RMC1: variants seen among roughly 807,000 people sequenced by gnomAD.
RMC1 encodes the protein regulator of MON1-CCZ1, also known as regulator of MON1-CCZ1 complex.
A neutral mutation model predicts 95.5 loss-of-function variants in RMC1; 44 were observed. That is an observed-to-expected ratio of 0.46 (90% CI 0.36 to 0.59). The LOEUF is 0.59. Ranked by LOEUF, RMC1 falls within the 20% of genes least tolerant of loss-of-function variation. The pLI is 0.00. For synonymous variants in RMC1, 320 were observed against 303.6 expected (o/e 1.05, Z -0.56); for missense variants, 705 against 819.6 (o/e 0.86, Z 1.71).
chr18:23,525,723 T>C (rs1261473387), intron 12 of RMC1, among the ~76,000 whole-genome samples: 1 of 152,046 alleles, frequency 6.6e-6, no homozygotes, highest in Non-Finnish European at 1.5e-5. Context: ...ACAGCCGGCC[T>C]ATAATTTTTT....
Position 23,524,457 on chromosome 18 carries a change from T to G in RMC1, c.1035T>G (p.Pro345=), listed in dbSNP as rs1446548223. The G allele has an allele frequency of 2.5e-6, 4 of 1,614,012 alleles. No homozygotes were observed. The highest frequency in any genetic ancestry group is 1.7e-6 in the Non-Finnish European group (2 of 1,179,984). ...CTTCATCTTGGATTGTCTTTCAACC[T>G]GACATCATTATCAGCGCAAGCCAAG... ...LYSSSWIVFQ[P]DIIISASQGY... The change falls in exon 12 of 20, where the codon CCT becomes CCG. Residue 345 remains proline (P), a synonymous_variant. Coordinates refer to ENST00000269221, the MANE Select transcript of RMC1 (RefSeq NM_013326.5).
intron 5 of RMC1, among the ~76,000 whole-genome samples, chr18:23,513,416 C>T (rs764797183): frequency 7.9e-5 from 12 of 152,220 alleles, no homozygotes; most frequent in Non-Finnish European, 1.5e-4. Context: ...TGAGCGTATA[C>T]ACCACATTTT....
intron 5 of RMC1, 33 bp downstream of exon 5, chr18:23,509,312 A>C (rs778081925): frequency 2.7e-6 from 3 of 1,112,078 alleles, no homozygotes; most frequent in Admixed American, 5.6e-5. Context: ...TTGTTGGTTA[A>C]AGTTCAGTGA....
chr18:23,524,031 CGTAATGACATTAAAAA>C lies in RMC1; in HGVS notation c.962-95_962-80del, dbSNP rs1306225828. ...CTTGACTACAATTGAATAAACATTTCGTAATGACATTAAAAAGTATTGACTTTTGTGTCATAAGTAC... is the reference window on the plus strand; with the variant it reads ...CTTGACTACAATTGAATAAACATTTCGTATTGACTTTTGTGTCATAAGTAC... On this transcript the variant is annotated intron_variant, in intron 10 of 19. Transcript: ENST00000269221. 3 of 1,279,760 alleles carry C rather than the reference CGTAATGACATTAAAAA, an allele frequency of 2.3e-6. No individual in the cohort carries two copies. The African/African-American group carries it at 4.4e-5, about 19-fold the overall frequency. The allele number at this position is 1,279,760 out of a possible 1,614,324, so 79.3% of individuals were successfully genotyped here.
Position 23,516,414 on chromosome 18 carries a change from T to C in RMC1, c.644T>C (p.Met215Thr). ...AGCCTTTCCGAAAGAGACATCGCAATGGCTACCATGTATGTCCGTGTCAGA... is the reference window on the plus strand; with the variant it reads ...AGCCTTTCCGAAAGAGACATCGCAACGGCTACCATGTATGTCCGTGTCAGA... ...KPSLSERDIA[M>T]ATIYGQLYVL... Residue 215 changes from methionine (M) to threonine (T), a missense_variant, in exon 7 of 20, where the codon ATG becomes ACG. Physicochemically the swap from Met to Thr is moderately conservative, Grantham distance 81 (BLOSUM62 -1). Coordinates refer to ENST00000269221, the MANE Select transcript of RMC1 (RefSeq NM_013326.5). 1 of 1,614,040 alleles carries C rather than the reference T, an allele frequency of 6.2e-7. No individual in the cohort carries two copies. Among genetic ancestry groups the C allele is most frequent in the Non-Finnish European group, 8.5e-7 (1 of 1,179,862 alleles).
chr18:23,505,311 C>T (rs996146092), intron 2 of RMC1, among the ~76,000 whole-genome samples: 1 of 152,196 alleles, frequency 6.6e-6, no homozygotes, highest in East Asian at 1.9e-4. Context: ...ATCCGCCCGC[C>T]TCAGACTCCC....
rs371988848 is a variant in RMC1 at position 23,521,695 on chromosome 18, C to CTTT, written c.961+1392_961+1394dup. On this transcript the variant is annotated intron_variant, in intron 10 of 19. Coordinates refer to ENST00000269221, the MANE Select transcript of RMC1 (RefSeq NM_013326.5). ...AGAATATTCAACACACACTCTCTCT[C>CTTT]TTTTTTTTTTTTCCTTAAACAGAAC... Among the ~76,000 whole-genome samples, 58 of 77,948 alleles carry CTTT rather than the reference C, an allele frequency of 7.4e-4. 1 individual carries two copies. In the South Asian group the frequency reaches 0.022, roughly 29 times the overall value. The allele number at this position is 77,948 out of a possible 152,430, so 51.1% of individuals were successfully genotyped here. A position where few individuals can be genotyped will look rare whatever the true frequency, so the allele number is the denominator to read the frequency against.
At chr18:23,516,742 T>C (rs2058017692) in intron 7 of RMC1, among the ~76,000 whole-genome samples, 1 of 148,536 alleles carries the variant, frequency 6.7e-6, no homozygotes, top group Admixed American at 6.8e-5. Flanking sequence ...TTTTTTTTTT[T>C]CGAGACAGAG....
chr18:23,526,410 C>T (rs2058299047), intron 12 of RMC1, among the ~76,000 whole-genome samples: 1 of 152,192 alleles, frequency 6.6e-6, no homozygotes, highest in African/African-American at 2.4e-5. Flanking sequence ...AAGAGTCAGC[C>T]AGGTGTGCGG....
At chr18:23,514,215 C>T (rs2057937899) in intron 5 of RMC1, among the ~76,000 whole-genome samples, 2 of 152,176 alleles carry the variant, frequency 1.3e-5, no homozygotes, top group African/African-American at 4.8e-5. Context: ...AGGCCATCAT[C>T]GAAATCTTAG....
chr18:23,508,117 T>G, intron 4 of RMC1, 76 bp downstream of exon 4: 3 of 1,356,480 alleles, frequency 2.2e-6, no homozygotes, highest in Non-Finnish European at 3.0e-6. Context: ...AGCGGGGCAT[T>G]GGGGTCGCAG....
chr18:23,530,036 A>T lies in RMC1; in HGVS notation c.1503A>T (p.Leu501=). The T allele has an allele frequency of 6.2e-7, 1 of 1,613,640 alleles. No homozygotes were observed. The highest frequency in any genetic ancestry group is 1.1e-5 in the South Asian group (1 of 91,076). ...TTTACTTTTGTCCTCAGCATTACCTACATGAACTTGTTATCAAAACCCTTG... is the reference window on the plus strand; with the variant it reads ...TTTACTTTTGTCCTCAGCATTACCTTCATGAACTTGTTATCAAAACCCTTG... ...NQFQIAVQHY[L]HELVIKTLVQ... is the part of the protein sequence containing the mutation. Residue 501 remains leucine, a synonymous_variant, in exon 17 of 20, where the codon CTA becomes CTT. Coordinates refer to ENST00000269221, the MANE Select transcript of RMC1 (RefSeq NM_013326.5).
Position 23,520,339 on chromosome 18 carries a change from TGTG to T in RMC1, c.961+27_961+29del, listed in dbSNP as rs1260196131. The T allele has an allele frequency of 3.2e-6, 5 of 1,554,532 alleles. No individual in the cohort carries two copies. The African/African-American group carries it at 5.4e-5, about 17-fold the overall frequency. On this transcript the variant is annotated intron_variant, in intron 10 of 19. Coordinates refer to ENST00000269221, the MANE Select transcript of RMC1 (RefSeq NM_013326.5). Reference sequence around the variant, plus strand: ...GTAACACGGGTTCTGTAGAGGAGTCTGTGCTGCCCTTTCACCATGTGGCTGTGT... The same window carrying T: ...GTAACACGGGTTCTGTAGAGGAGTCTCTGCCCTTTCACCATGTGGCTGTGT...
chr18:23,504,763 A>C, intron 2 of RMC1: 1 of 237,772 alleles, frequency 4.2e-6, no homozygotes, highest in Non-Finnish European at 8.5e-6. Flanking sequence ...GAGGGCGTTC[A>C]TTTCTTTAGC....
chr18:23,529,090 TCGAAGAA>T, intron 14 of RMC1, 82 bp from the exon 15 acceptor site: 1 of 1,522,282 alleles, frequency 6.6e-7, no homozygotes, highest in Non-Finnish European at 8.8e-7. Context: ...TGGGTCCACA[TCGAAGAA>T]TTCAGTCCTT....
chr18:23,518,984 A>G lies in RMC1; in HGVS notation c.743+5A>G, dbSNP rs774210079. On this transcript the variant is annotated splice_donor_5th_base_variant and intron_variant, in intron 8 of 19. Transcript: ENST00000269221. ...GGTCCTCTATCATCTACCACGGTAG[A>G]TTTCATGCTTTGTTTTCCCTCTCTC... 3 of 1,614,004 alleles carry G rather than the reference A, an allele frequency of 1.9e-6. No homozygotes were observed. Among genetic ancestry groups the G allele is most frequent in the Admixed American group, 1.7e-5 (1 of 60,002 alleles).
intron 13 of RMC1, 128 bp from the exon 14 acceptor site, chr18:23,527,667 G>GTATTTCTTAT (rs1436780982): frequency 8.9e-6 from 3 of 337,990 alleles, no homozygotes; most frequent in South Asian, 2.3e-5. Context: ...CTTTAAAGTA[G>GTATTTCTTAT]AGTGTCCTTT....
intron 16 of RMC1, 75 bp downstream of exon 16, chr18:23,529,787 A>G: frequency 1.4e-6 from 2 of 1,399,320 alleles, no homozygotes; most frequent in Middle Eastern, 1.8e-4. Context: ...GTCTTAGAAG[A>G]TGACTCATAT....
chr18:23,504,231 C>T, intron 1 of RMC1, 140 bp from the exon 2 acceptor site: 1 of 699,764 alleles, frequency 1.4e-6, no homozygotes, highest in South Asian at 1.7e-5. Flanking sequence ...AGCAGCCAAA[C>T]ATCTGTACCT....
Sources: gnomAD v4.1 joint callset for allele counts (sites outside exome capture counted in the v4.1 genomes callset) on GRCh38, gnomAD v4.1.1 for gene constraint, MANE v1.5 for transcripts, NCBI Gene and HGNC (gene_info 2026-07-23, HGNC 2026-07-21) for gene names.